Variants in WWOX observed in about 807,000 individuals in gnomAD.
WWOX encodes WW domain containing oxidoreductase, also known as WW domain-containing oxidoreductase.
A neutral mutation model predicts 46.2 loss-of-function variants in WWOX; 69 were observed. The ratio of observed to expected loss-of-function variants is 1.49; its 90% CI spans 1.23 to 1.82. WWOX has a LOEUF of 1.82. Ranked by LOEUF, WWOX falls within the 40% of genes most tolerant of loss-of-function variation. The pLI, the probability that WWOX is intolerant of heterozygous loss-of-function variation, is 0.00. For synonymous variants in WWOX, 359 were observed against 202.6 expected (o/e 1.77, Z -6.56); for missense variants, 919 against 542.6 (o/e 1.69, Z -6.89).
At chr16:78,156,525 T>A (rs1208400767) in intron 4 of WWOX, among the ~76,000 whole-genome samples, 1 of 152,186 alleles carries the variant, frequency 6.6e-6, no homozygotes, top group Non-Finnish European at 1.5e-5. Context: ...CAAGAACCAT[T>A]TGTTTCTTCA....
intron 8 of WWOX, among the ~76,000 whole-genome samples, chr16:78,967,481 T>TTTC (rs1491178865): frequency 7.9e-6 from 1 of 127,090 alleles, no homozygotes. Context: ...TTTTTTTTTT[T>TTTC]CCTGCTGAGA....
intron 5 of WWOX, among the ~76,000 whole-genome samples, chr16:78,367,433 G>A (rs1368796342): frequency 2.0e-5 from 3 of 151,752 alleles, no homozygotes; most frequent in East Asian, 1.9e-4. Context: ...CAACTCATCA[G>A]CTATCATTAG....
intron 8 of WWOX, among the ~76,000 whole-genome samples, chr16:79,106,975 G>C (rs771951897): frequency 1.3e-5 from 2 of 151,676 alleles, no homozygotes; most frequent in Non-Finnish European, 2.9e-5. Context: ...CATGTCCCAC[G>C]AATTTTTGTA....
At chr16:78,396,041 C>G (rs2082277934) in intron 6 of WWOX, among the ~76,000 whole-genome samples, 1 of 152,192 alleles carries the variant, frequency 6.6e-6, no homozygotes, top group Non-Finnish European at 1.5e-5. Flanking sequence ...TACCTGCTTT[C>G]TTTCTCACCT....
At chr16:78,756,843 C>T (rs764925283) in intron 8 of WWOX, 20 of 688,598 alleles carry the variant, frequency 2.9e-5, no homozygotes, top group Non-Finnish European at 4.5e-5. Flanking sequence ...CCTGTATAAT[C>T]GATAGGGTAT....
intron 8 of WWOX, among the ~76,000 whole-genome samples, chr16:78,465,047 A>T (rs1234968376): frequency 6.6e-6 from 1 of 152,132 alleles, no homozygotes; most frequent in Non-Finnish European, 1.5e-5. Context: ...TGCCCTTTAT[A>T]AAATCACCAG....
intron 8 of WWOX, among the ~76,000 whole-genome samples, chr16:78,731,089 G>A (rs940553417): frequency 6.6e-6 from 1 of 152,168 alleles, no homozygotes; most frequent in African/African-American, 2.4e-5. Context: ...GATGTCATGG[G>A]TGGGAAATTG....
At chr16:78,999,472 A>C (rs1277122284) in intron 8 of WWOX, among the ~76,000 whole-genome samples, 1 of 152,194 alleles carries the variant, frequency 6.6e-6, no homozygotes, top group Admixed American at 6.5e-5. Flanking sequence ...CTCCTTCTCA[A>C]GAAAGAAGGA....
Position 79,155,370 on chromosome 16 carries a change from G to C in WWOX, c.1057-56238G>C, listed in dbSNP as rs144503841. Among the ~76,000 whole-genome samples the C allele has an allele frequency of 1.7e-3, 265 of 152,004 alleles. 7 individuals are homozygous for C. The East Asian group carries it at 0.042, about 24-fold the overall frequency. ...CAGCCTGGCGACAGAGGGAGACTCT[G>C]TTTCAACAACAACAACAAAAAAGGT... On this transcript the variant is annotated intron_variant, in intron 8 of 8. Transcript: ENST00000566780.
At chr16:78,403,482 G>A (rs9924469) in intron 6 of WWOX, among the ~76,000 whole-genome samples, 38,780 of 152,094 alleles carry the variant, frequency 0.25, 9,832 homozygotes, top group African/African-American at 0.65. Context: ...TTATGCCTAC[G>A]AAATATAATG....
intron 8 of WWOX, among the ~76,000 whole-genome samples, chr16:78,658,050 TGGG>T (rs936195505): frequency 2.6e-5 from 4 of 152,030 alleles, no homozygotes; most frequent in Non-Finnish European, 5.9e-5. Context: ...GATTCTTTGT[TGGG>T]GGGGATTTCC....
chr16:78,139,245 G>A (rs564847750), intron 4 of WWOX, among the ~76,000 whole-genome samples: 13 of 152,162 alleles, frequency 8.5e-5, no homozygotes, highest in Non-Finnish European at 1.6e-4. Flanking sequence ...ACAGAACCAG[G>A]ACCAATGGAC....
At chr16:78,547,476 G>A (rs141746651) in intron 8 of WWOX, among the ~76,000 whole-genome samples, 6 of 152,304 alleles carry the variant, frequency 3.9e-5, no homozygotes, top group African/African-American at 1.4e-4. Context: ...TGTTGACTGT[G>A]CTCTAGACAC....
intron 8 of WWOX, among the ~76,000 whole-genome samples, chr16:78,724,137 A>G (rs1046539311): frequency 1.3e-5 from 2 of 152,164 alleles, no homozygotes; most frequent in Admixed American, 6.5e-5. Flanking sequence ...AGTAGTGACT[A>G]TTTAGCCAGT....
At chr16:78,606,222 C>G (rs949398183) in intron 8 of WWOX, among the ~76,000 whole-genome samples, 2 of 152,150 alleles carry the variant, frequency 1.3e-5, no homozygotes, top group African/African-American at 2.4e-5. Flanking sequence ...TACTTCTTTT[C>G]AACAAAAACT....
chr16:78,422,253 CAGA>C (rs1421538342), intron 6 of WWOX, among the ~76,000 whole-genome samples: 12 of 152,058 alleles, frequency 7.9e-5, no homozygotes, highest in Non-Finnish European at 1.6e-4. Flanking sequence ...TTTTAGAGAG[CAGA>C]AGATTTTAAT....
chr16:78,801,931 A>G (rs2050901879), intron 8 of WWOX, among the ~76,000 whole-genome samples: 2 of 152,076 alleles, frequency 1.3e-5, no homozygotes, highest in Non-Finnish European at 2.9e-5. Context: ...AACCTCTTTC[A>G]ATGTTTTTTC....
intron 8 of WWOX, among the ~76,000 whole-genome samples, chr16:78,481,598 C>T (rs1409184656): frequency 6.0e-5 from 9 of 150,568 alleles, no homozygotes. Context: ...ATCCTGATAT[C>T]AGCACGTGGT....
chr16:78,377,240 C>G (rs752716223), intron 5 of WWOX, among the ~76,000 whole-genome samples: 2 of 152,166 alleles, frequency 1.3e-5, no homozygotes, highest in African/African-American at 4.8e-5. Context: ...GTATGCAGTA[C>G]TTGCATAAGA....
Sources: allele counts gnomAD v4.1 joint callset (sites outside exome capture counted in the v4.1 genomes callset), GRCh38; gene constraint gnomAD v4.1.1; transcripts MANE v1.5; gene names NCBI Gene and HGNC (gene_info 2026-07-23, HGNC 2026-07-21).